Variants in SETBP1 observed in about 807,000 individuals in gnomAD.
SETBP1 encodes the protein SET-binding protein.
Under a neutral mutation model 101.0 loss-of-function variants are expected in SETBP1, and 9 were observed. That is an observed-to-expected ratio of 0.09 (90% CI 0.05 to 0.16). The LOEUF (loss-of-function observed/expected upper bound fraction) is 0.16. SETBP1 is among the 10% of genes least tolerant of loss of function. SETBP1 has a pLI of 1.00. For synonymous variants in SETBP1, 818 were observed against 788.5 expected (o/e 1.04, Z -0.63); for missense variants, 1,858 against 2,033.8 (o/e 0.91, Z 1.66).
chr18:44,955,790 C>T (rs2071468593), intron 4 of SETBP1, among the ~76,000 whole-genome samples: 1 of 152,194 alleles, frequency 6.6e-6, no homozygotes, highest in African/African-American at 2.4e-5. Flanking sequence ...CACCTCTGCC[C>T]TTTCTTTCAG....
intron 2 of SETBP1, among the ~76,000 whole-genome samples, chr18:44,735,572 GAGAC>G (rs1568116497): frequency 6.6e-6 from 1 of 152,196 alleles, no homozygotes; most frequent in African/African-American, 2.4e-5. Flanking sequence ...ATTAAGAAGA[GAGAC>G]AGACAATGGC....
In SETBP1 at chr18:45,067,082, ACAG is replaced by A. The variant is rs1454462529; in HGVS notation, c.*3389_*3391del. The A allele has an allele frequency of 1.3e-5, 2 of 152,206 alleles. No individual in the cohort carries two copies. The highest frequency in any genetic ancestry group is 2.4e-5 in the African/African-American group (1 of 41,452). The allele number at this position is 152,206 out of a possible 1,614,324, so 9.4% of individuals were successfully genotyped here. A position where few individuals can be genotyped will look rare whatever the true frequency, so the allele number is the denominator to read the frequency against. The stretch of plus-strand genomic sequence containing the variant: ...GTTTGTGACTTGGCAGGACCAGGAA[ACAG>A]CAGCCACTGACAGCCCAGAGAAGGT... On this transcript the variant is annotated 3_prime_UTR_variant, in exon 6 of 6. Transcript: ENST00000649279.
chr18:44,877,484 C>CA (rs1568196011), intron 3 of SETBP1: 57 of 600,526 alleles, frequency 9.5e-5, no homozygotes, highest in South Asian at 2.2e-4. Flanking sequence ...GTTCACCCTC[C>CA]AAAAAAAATG....
At chr18:44,806,314 T>C (rs1304680409) in intron 2 of SETBP1, among the ~76,000 whole-genome samples, 1 of 152,200 alleles carries the variant, frequency 6.6e-6, no homozygotes, top group Admixed American at 6.5e-5. Context: ...GCCACTGGCA[T>C]ATTTTAGCAG....
At chr18:44,824,552 T>C (rs2072191420) in intron 2 of SETBP1, among the ~76,000 whole-genome samples, 1 of 152,220 alleles carries the variant, frequency 6.6e-6, no homozygotes, top group South Asian at 2.1e-4. Flanking sequence ...TGCTGATGGA[T>C]TTCCTGATTG....
At chr18:44,915,729 C>T (rs1401411316) in intron 3 of SETBP1, among the ~76,000 whole-genome samples, 2 of 152,324 alleles carry the variant, frequency 1.3e-5, no homozygotes, top group Non-Finnish European at 2.9e-5. Flanking sequence ...GAGGCAAGTA[C>T]AGGCACCTGC....
At chr18:44,927,210 T>C (rs1007722123) in intron 3 of SETBP1, among the ~76,000 whole-genome samples, 1 of 152,206 alleles carries the variant, frequency 6.6e-6, no homozygotes, top group Non-Finnish European at 1.5e-5. Flanking sequence ...ACCGAATGTA[T>C]ATGTTTGTTT....
intron 2 of SETBP1, among the ~76,000 whole-genome samples, chr18:44,820,288 T>C (rs564897559): frequency 2.6e-5 from 4 of 152,268 alleles, no homozygotes; most frequent in African/African-American, 9.6e-5. Flanking sequence ...ATCACACCAG[T>C]TGGTTGGCAG....
chr18:44,999,304 G>C (rs1215179787), intron 4 of SETBP1, among the ~76,000 whole-genome samples: 1 of 152,158 alleles, frequency 6.6e-6, no homozygotes, highest in Non-Finnish European at 1.5e-5. Context: ...CGAAAAAAAA[G>C]TTTCCAGGAA....
At chr18:44,882,386 G>A (rs768497009) in intron 3 of SETBP1, among the ~76,000 whole-genome samples, 4 of 152,070 alleles carry the variant, frequency 2.6e-5, no homozygotes, top group Non-Finnish European at 4.4e-5. Context: ...GGGTGCGGAC[G>A]AAGCGCTAAA....
intron 3 of SETBP1, among the ~76,000 whole-genome samples, chr18:44,911,660 C>CTA (rs1193041257): frequency 1.3e-5 from 2 of 152,332 alleles, no homozygotes; most frequent in East Asian, 3.9e-4. Context: ...TTAAATTGTA[C>CTA]TACAGGTCTA....
intron 4 of SETBP1, among the ~76,000 whole-genome samples, chr18:45,037,306 G>T (rs540167874): frequency 2.6e-5 from 4 of 152,262 alleles, no homozygotes; most frequent in African/African-American, 9.6e-5. Flanking sequence ...TTGGAGGGAA[G>T]GTGCCCATAT....
At chr18:44,730,286 A>C (rs1372827325) in intron 2 of SETBP1, among the ~76,000 whole-genome samples, 1 of 152,250 alleles carries the variant, frequency 6.6e-6, no homozygotes, top group African/African-American at 2.4e-5. Context: ...ATGGAAAACT[A>C]AGAGTCAATA....
At chr18:44,692,696 C>T (rs2068955072) in intron 1 of SETBP1, among the ~76,000 whole-genome samples, 1 of 152,078 alleles carries the variant, frequency 6.6e-6, no homozygotes, top group Admixed American at 6.6e-5. Flanking sequence ...CATGTGTATG[C>T]AGGAAGAGGT....
chr18:44,749,588 C>T (rs2070337254), intron 2 of SETBP1, among the ~76,000 whole-genome samples: 1 of 152,066 alleles, frequency 6.6e-6, no homozygotes, highest in African/African-American at 2.4e-5. Flanking sequence ...CTTTGCTAGG[C>T]AAGTGAGAGA....
chr18:44,967,328 C>T (rs895989371), intron 4 of SETBP1, among the ~76,000 whole-genome samples: 18 of 152,286 alleles, frequency 1.2e-4, no homozygotes, highest in South Asian at 2.1e-4. Context: ...GGGACTGTCA[C>T]GGCAAGAATG....
intron 2 of SETBP1, among the ~76,000 whole-genome samples, chr18:44,770,903 C>T (rs1382716910): frequency 5.9e-5 from 9 of 151,876 alleles, no homozygotes; most frequent in Non-Finnish European, 1.0e-4. Flanking sequence ...GGATTGTCAC[C>T]GGAAGGCAAT....
chr18:44,991,261 A>G (rs1344805533), intron 4 of SETBP1, among the ~76,000 whole-genome samples: 1 of 150,852 alleles, frequency 6.6e-6, no homozygotes, highest in African/African-American at 2.4e-5. Flanking sequence ...AAAAAAAAAA[A>G]AAAAAGGAAG....
At chr18:44,771,364 C>T (rs1370177638) in intron 2 of SETBP1, among the ~76,000 whole-genome samples, 2 of 145,336 alleles carry the variant, frequency 1.4e-5, no homozygotes, top group South Asian at 5.1e-4. Context: ...GTGTCAGGTC[C>T]CGTTACTGAA....
Sources: gnomAD v4.1 joint callset for allele counts (sites outside exome capture counted in the v4.1 genomes callset) on GRCh38, gnomAD v4.1.1 for gene constraint, MANE v1.5 for transcripts, NCBI Gene and HGNC (gene_info 2026-07-23, HGNC 2026-07-21) for gene names.